The following STXBP3 variants were observed in gnomAD, a reference collection of about 807,000 sequenced individuals.
The protein encoded by STXBP3 is syntaxin binding protein 3, also known as syntaxin-binding protein 3.
STXBP3 carries 41 observed loss-of-function variants against 85.7 expected under a neutral mutation model. The ratio of observed to expected loss-of-function variants is 0.48; its 90% CI spans 0.37 to 0.62. The LOEUF is 0.62. Ranked by LOEUF, STXBP3 falls within the 20% of genes least tolerant of loss-of-function variation. The probability of loss-of-function intolerance (pLI) is 0.00; values close to 1 mark genes in which losing one functional copy is unlikely to be tolerated. For missense variants in STXBP3, 563 were observed against 703.1 expected, an observed-to-expected ratio of 0.80 and a Z score of 2.25; for synonymous variants, 229 against 231.7, an observed-to-expected ratio of 0.99 and a Z score of 0.10.
Position 108,779,389 on chromosome 1 carries a change from C to A in STXBP3, c.788C>A (p.Pro263Gln), listed in dbSNP as rs764319966. ...CAGGCAATGGCATATGATCTACTAC[C>A]AATTGAGAATGATACATACAAGCAA... ...TFQAMAYDLL[P>Q]IENDTYKYKT... Residue 263 changes from proline to glutamine, a missense_variant, in exon 9 of 19, where the codon CCA (proline) becomes CAA (glutamine). Transcript: ENST00000370008. 3.1e-6 allele frequency: 5 copies of A among 1,611,192 alleles called. No homozygotes were observed. The African/African-American group carries it at 5.3e-5, about 17-fold the overall frequency.
intron 6 of STXBP3, chr1:108,767,108 C>A: frequency 3.0e-6 from 1 of 328,412 alleles, no homozygotes; most frequent in South Asian, 2.7e-5. Flanking sequence ...CCTCCCTCTG[C>A]TGTTCACCTA....
At chr1:108,753,347 C>T (rs1027142092) in intron 3 of STXBP3, 3 of 360,162 alleles carry the variant, frequency 8.3e-6, no homozygotes, top group Non-Finnish European at 1.5e-5. Context: ...GACCTCTAAC[C>T]AAGCCTAACT....
intron 18 of STXBP3, among the ~76,000 whole-genome samples, chr1:108,808,376 C>T (rs1018834682): frequency 2.6e-5 from 4 of 152,170 alleles, no homozygotes; most frequent in African/African-American, 7.2e-5. Flanking sequence ...GAATTTCAGT[C>T]AAAGCCAATG....
At chr1:108,771,185 G>A (rs1228547567) in intron 6 of STXBP3, among the ~76,000 whole-genome samples, 1 of 151,096 alleles carries the variant, frequency 6.6e-6, no homozygotes, top group East Asian at 1.9e-4. Context: ...AACAAGAATT[G>A]AAGGAGAGAG....
chr1:108,808,719 A>G (rs967917648), intron 18 of STXBP3, 64 bp from the exon 19 acceptor site: 3 of 1,271,920 alleles, frequency 2.4e-6, no homozygotes, highest in Admixed American at 1.7e-5. Flanking sequence ...ACAACACATT[A>G]TATTAAGCGA....
At chr1:108,775,779 A>G (rs973090815) in intron 7 of STXBP3, among the ~76,000 whole-genome samples, 7 of 152,094 alleles carry the variant, frequency 4.6e-5, no homozygotes, top group Admixed American at 4.6e-4. Flanking sequence ...AGTATTTGTA[A>G]TAGTGTAATA....
At chr1:108,776,283 A>G in intron 7 of STXBP3, 50 bp from the exon 8 acceptor site, 1 of 1,235,942 alleles carries the variant, frequency 8.1e-7, no homozygotes, top group Non-Finnish European at 1.1e-6. Flanking sequence ...GATATTATAA[A>G]GTATACACTG....
At chr1:108,749,255 C>T (rs1428714720) in intron 1 of STXBP3, among the ~76,000 whole-genome samples, 1 of 152,092 alleles carries the variant, frequency 6.6e-6, no homozygotes, top group Admixed American at 6.5e-5. Flanking sequence ...AAGAAAATGA[C>T]AATAATACTT....
At chr1:108,802,501 C>T (rs940603501) in intron 17 of STXBP3, among the ~76,000 whole-genome samples, 1 of 152,150 alleles carries the variant, frequency 6.6e-6, no homozygotes, top group African/African-American at 2.4e-5. Context: ...CGCCTCACTG[C>T]CCCACCTTGA....
intron 11 of STXBP3, among the ~76,000 whole-genome samples, chr1:108,791,197 T>A (rs1662965744): frequency 6.6e-6 from 1 of 152,210 alleles, no homozygotes; most frequent in Admixed American, 6.5e-5. Flanking sequence ...CTGGCTACCA[T>A]AATTTCTGCT....
At chr1:108,750,044 T>C (rs1661868705) in intron 1 of STXBP3, among the ~76,000 whole-genome samples, 1 of 152,148 alleles carries the variant, frequency 6.6e-6, no homozygotes, top group African/African-American at 2.4e-5. Context: ...CAGATATGGC[T>C]GGTTTCCACC....
At chr1:108,749,445 G>A (rs1185186783) in intron 1 of STXBP3, among the ~76,000 whole-genome samples, 3 of 152,186 alleles carry the variant, frequency 2.0e-5, no homozygotes, top group East Asian at 3.9e-4. Flanking sequence ...TCTCTGAGAA[G>A]ACCAGCCACA....
chr1:108,768,306 C>A (rs1278643721), intron 6 of STXBP3, among the ~76,000 whole-genome samples: 1 of 152,048 alleles, frequency 6.6e-6, no homozygotes, highest in Non-Finnish European at 1.5e-5. Flanking sequence ...GATGGGGTTG[C>A]CCAGGCTGGT....
intron 8 of STXBP3, among the ~76,000 whole-genome samples, chr1:108,776,972 A>G (rs888946741): frequency 2.2e-4 from 34 of 152,278 alleles, no homozygotes; most frequent in Admixed American, 1.1e-3. Flanking sequence ...CACCAATGTG[A>G]ATTTAATAAA....
chr1:108,754,389 CA>C (rs1188440227), intron 3 of STXBP3, among the ~76,000 whole-genome samples: 7 of 152,074 alleles, frequency 4.6e-5, no homozygotes, highest in Admixed American at 3.3e-4. Flanking sequence ...TTCTGACCCT[CA>C]ATGTAAAAAG....
chr1:108,769,871 A>G (rs920563180), intron 6 of STXBP3, among the ~76,000 whole-genome samples: 6 of 152,190 alleles, frequency 3.9e-5, no homozygotes, highest in Admixed American at 2.6e-4. Flanking sequence ...TTTGCTCTAC[A>G]TCCTCTACCT....
intron 4 of STXBP3, among the ~76,000 whole-genome samples, chr1:108,757,399 G>A (rs1367987732): frequency 6.6e-6 from 1 of 151,830 alleles, no homozygotes; most frequent in Non-Finnish European, 1.5e-5. Flanking sequence ...AACTTTAGCA[G>A]ACATTTTTAA....
chr1:108,760,494 T>G (rs1026199214), intron 6 of STXBP3, among the ~76,000 whole-genome samples: 1 of 152,120 alleles, frequency 6.6e-6, no homozygotes, highest in East Asian at 1.9e-4. Context: ...AGTGAGGGGA[T>G]TTTTGACTTG....
intron 1 of STXBP3, among the ~76,000 whole-genome samples, chr1:108,750,177 CAAAT>C (rs1373851993): frequency 1.3e-5 from 2 of 151,930 alleles, no homozygotes; most frequent in South Asian, 2.1e-4. Flanking sequence ...GAGAAAGACA[CAAAT>C]AAATCTGATA....
Sources: allele counts gnomAD v4.1 joint callset (sites outside exome capture counted in the v4.1 genomes callset), GRCh38; gene constraint gnomAD v4.1.1; transcripts MANE v1.5; gene names NCBI Gene and HGNC (gene_info 2026-07-23, HGNC 2026-07-21).